The following TMEM117 variants were observed in gnomAD, a reference collection of about 807,000 sequenced individuals.
The protein encoded by TMEM117 is transmembrane protein 117.
In TMEM117, 27 loss-of-function variants were observed where a neutral mutation model predicts 52.4. That is an observed-to-expected ratio of 0.51 (90% CI 0.38 to 0.71). The LOEUF (loss-of-function observed/expected upper bound fraction) is 0.71. Ranked by LOEUF, TMEM117 falls within the 30% of genes least tolerant of loss-of-function variation. The pLI, the probability that TMEM117 is intolerant of heterozygous loss-of-function variation, is 0.00. For synonymous variants in TMEM117, 215 were observed against 206.3 expected (o/e 1.04, Z -0.36); for missense variants, 556 against 630.5 (o/e 0.88, Z 1.26).
intron 2 of TMEM117, among the ~76,000 whole-genome samples, chr12:43,913,959 A>C (rs1193568567): frequency 6.6e-6 from 1 of 152,142 alleles, no homozygotes; most frequent in East Asian, 1.9e-4. Flanking sequence ...ATGTATTTTA[A>C]TTGACTTAGT....
At chr12:44,373,318 AGCCC>A (rs1359600084) in intron 6 of TMEM117, among the ~76,000 whole-genome samples, 2 of 152,216 alleles carry the variant, frequency 1.3e-5, no homozygotes, top group East Asian at 3.9e-4. Context: ...CCTTCTCAAC[AGCCC>A]TGTTCCAGGT....
chr12:44,279,667 C>A (rs1950554622), intron 5 of TMEM117, among the ~76,000 whole-genome samples: 1 of 152,072 alleles, frequency 6.6e-6, no homozygotes, highest in Admixed American at 6.5e-5. Context: ...GCGCATGCCA[C>A]CACGCCCGCC....
the TMEM117 span, among the ~76,000 whole-genome samples, chr12:43,827,582 T>A: frequency 6.6e-6 from 1 of 152,252 alleles, no homozygotes; most frequent in Non-Finnish European, 1.5e-5. Flanking sequence ...TCTTTATCAT[T>A]AAGTAAATGA....
chr12:44,051,166 A>C (rs1182998760), intron 3 of TMEM117, among the ~76,000 whole-genome samples: 1 of 152,146 alleles, frequency 6.6e-6, no homozygotes, highest in Non-Finnish European at 1.5e-5. Flanking sequence ...ATGTGTATAG[A>C]CATACACATG....
intron 4 of TMEM117, among the ~76,000 whole-genome samples, chr12:44,172,759 G>C (rs1334892969): frequency 3.9e-5 from 6 of 152,066 alleles, no homozygotes; most frequent in Admixed American, 3.9e-4. Flanking sequence ...GAGTTTCGCT[G>C]TGTCACCCAG....
intron 7 of TMEM117, among the ~76,000 whole-genome samples, chr12:44,381,836 G>A (rs891203484): frequency 6.6e-6 from 1 of 152,036 alleles, no homozygotes; most frequent in Non-Finnish European, 1.5e-5. Flanking sequence ...GAGCTCTCCT[G>A]TATGAATCAG....
At chr12:43,804,674 G>C in the TMEM117 span, 1 of 691,236 alleles carries the variant, frequency 1.4e-6, no homozygotes, top group East Asian at 3.0e-5. Flanking sequence ...AAAATCTGGA[G>C]CATGTAGCAT....
intron 5 of TMEM117, among the ~76,000 whole-genome samples, chr12:44,274,549 A>G (rs1254685921): frequency 6.6e-6 from 1 of 152,168 alleles, no homozygotes; most frequent in Non-Finnish European, 1.5e-5. Flanking sequence ...CCTGTCTTCA[A>G]ATTAGGCTAT....
chr12:44,210,945 T>C lies in TMEM117; in HGVS notation c.511-345T>C, dbSNP rs577968512. ...TAAAAATCTAGACATCAGGGAATGC[T>C]TGAGTTTTGGATTTAGACAAACTTT... On this transcript the variant is annotated intron_variant, in intron 4 of 7. Transcript: ENST00000266534. Among the ~76,000 whole-genome samples the C allele has an allele frequency of 2.6e-5, 4 of 152,258 alleles. No individual in the cohort carries two copies. The East Asian group carries it at 7.7e-4, about 29-fold the overall frequency.
rs1951417401 is a variant in TMEM117 at position 44,341,568 on chromosome 12, A to G, written c.769-35027A>G. Reference sequence around the variant, plus strand: ...TGTTATTGTGAATAGTGCTGCAATAAACATGGGAATGTAGGGTTGGTGTTA... The same window carrying G: ...TGTTATTGTGAATAGTGCTGCAATAGACATGGGAATGTAGGGTTGGTGTTA... On this transcript the variant is annotated intron_variant, in intron 6 of 7. Coordinates refer to ENST00000266534, the MANE Select transcript of TMEM117 (RefSeq NM_032256.3). 3.3e-5 allele frequency among the ~76,000 whole-genome samples: 5 copies of G among 152,250 alleles called. No homozygotes were observed. In the South Asian group the frequency reaches 1.0e-3, roughly 32 times the overall value.
At chr12:44,160,248 T>C (rs1053857686) in intron 4 of TMEM117, among the ~76,000 whole-genome samples, 12 of 152,142 alleles carry the variant, frequency 7.9e-5, no homozygotes, top group African/African-American at 2.7e-4. Flanking sequence ...ATTTTGTTCA[T>C]GCATTAAGTA....
chr12:44,268,161 A>G (rs1176900502), intron 5 of TMEM117, among the ~76,000 whole-genome samples: 1 of 151,418 alleles, frequency 6.6e-6, no homozygotes, highest in Non-Finnish European at 1.5e-5. Flanking sequence ...TTTTTGAGAC[A>G]GAGTCTTGCT....
At chr12:44,069,294 G>T (rs1186415527) in intron 3 of TMEM117, among the ~76,000 whole-genome samples, 3 of 152,244 alleles carry the variant, frequency 2.0e-5, no homozygotes, top group East Asian at 1.9e-4. Context: ...AATTAAAAAG[G>T]TTATAGACTA....
At chr12:43,947,535 C>T (rs531276694) in intron 3 of TMEM117, among the ~76,000 whole-genome samples, 3 of 152,254 alleles carry the variant, frequency 2.0e-5, no homozygotes, top group Admixed American at 1.3e-4. Flanking sequence ...GGTATTGCTT[C>T]ATCCCATGTA....
At chr12:44,273,180 T>A (rs1036753407) in intron 5 of TMEM117, among the ~76,000 whole-genome samples, 1 of 151,484 alleles carries the variant, frequency 6.6e-6, no homozygotes, top group Admixed American at 6.6e-5. Flanking sequence ...ATGAGAACAC[T>A]TGGACACAGG....
intron 2 of TMEM117, among the ~76,000 whole-genome samples, chr12:43,922,232 C>T (rs1041426605): frequency 5.3e-5 from 8 of 151,980 alleles, no homozygotes; most frequent in East Asian, 1.9e-4. Context: ...GAAGGCAATA[C>T]GCGTGCAGTG....
At chr12:44,243,860 A>C (rs1233927545) in intron 5 of TMEM117, among the ~76,000 whole-genome samples, 1 of 151,842 alleles carries the variant, frequency 6.6e-6, no homozygotes, top group Admixed American at 6.6e-5. Context: ...TCCACACATA[A>C]GTGAGTGAGA....
chr12:44,070,040 C>T (rs1454292965), intron 3 of TMEM117, among the ~76,000 whole-genome samples: 2 of 152,274 alleles, frequency 1.3e-5, no homozygotes, highest in South Asian at 2.1e-4. Flanking sequence ...CAGGCACATG[C>T]CACCATGCTT....
At chr12:44,142,466 CAGAAA>C (rs530959909) in intron 3 of TMEM117, among the ~76,000 whole-genome samples, 2,140 of 152,022 alleles carry the variant, frequency 0.014, 24 homozygotes, top group South Asian at 0.033. Flanking sequence ...GAAATAACTC[CAGAAA>C]AGAAAAGACT....
Sources: allele counts gnomAD v4.1 joint callset (sites outside exome capture counted in the v4.1 genomes callset), GRCh38; gene constraint gnomAD v4.1.1; transcripts MANE v1.5; gene names NCBI Gene and HGNC (gene_info 2026-07-23, HGNC 2026-07-21).